The following OSMR variants were observed in gnomAD, a reference collection of about 807,000 sequenced individuals.
OSMR encodes oncostatin-M-specific receptor subunit beta.
Under a neutral mutation model 99.9 loss-of-function variants are expected in OSMR, and 81 were observed. The observed-to-expected ratio is 0.81, with a 90% CI of 0.68 to 0.97. OSMR has a LOEUF of 0.97. Among genes scored for constraint, OSMR ranks in the 50% least tolerant of loss-of-function variants. OSMR has a pLI of 0.00. For missense variants in OSMR, 1,099 were observed against 1,153.4 expected (o/e 0.95, Z 0.68); for synonymous variants, 406 against 410.4 (o/e 0.99, Z 0.13).
At chr5:38,870,334 T>TC (rs5867435) in intron 2 of OSMR, among the ~76,000 whole-genome samples, 40,676 of 146,464 alleles carry the variant, frequency 0.28, 6,081 homozygotes, top group East Asian at 0.59. Context: ...GATTTTCTTT[T>TC]TTTTTTTTTT....
intron 15 of OSMR, among the ~76,000 whole-genome samples, chr5:38,930,954 GTGTGTGTGTGTA>G: frequency 7.2e-6 from 1 of 138,148 alleles, no homozygotes; most frequent in Non-Finnish European, 1.6e-5. Flanking sequence ...GTGTGTGTGT[GTGTGTGTGTGTA>G]AGGTTGTGAT....
chr5:38,926,417 C>T (rs1285908539), intron 15 of OSMR, among the ~76,000 whole-genome samples: 1 of 152,176 alleles, frequency 6.6e-6, no homozygotes, highest in Non-Finnish European at 1.5e-5. Context: ...TTAATTGACT[C>T]ACAGTTCCAC....
intron 2 of OSMR, chr5:38,944,910 C>T (rs1240845221): frequency 1.2e-6 from 2 of 1,612,928 alleles, no homozygotes; most frequent in East Asian, 4.5e-5. Context: ...TCTGAAGACT[C>T]ACCTAGTAAC....
downstream of OSMR, among the ~76,000 whole-genome samples, chr5:38,937,006 T>C (rs1239345): frequency 0.033 from 5,048 of 152,312 alleles, 138 homozygotes; most frequent in South Asian, 0.081. The surrounding 1 kb of genome is among the most constrained non-coding windows in gnomAD (Gnocchi z 4.0). Context: ...AGCGGCATGA[T>C]GAATTTGTAA....
chr5:38,907,988 C>A (rs1023898400), intron 9 of OSMR, among the ~76,000 whole-genome samples: 11 of 152,084 alleles, frequency 7.2e-5, no homozygotes, highest in African/African-American at 2.7e-4. Flanking sequence ...AGCAGCCCCA[C>A]CCCCACTCCT....
intron 1 of OSMR, among the ~76,000 whole-genome samples, chr5:38,852,109 G>A (rs992505935): frequency 6.6e-6 from 1 of 152,176 alleles, no homozygotes; most frequent in African/African-American, 2.4e-5. Context: ...ATTTTTCCAT[G>A]TCAGTGCATG....
chr5:38,930,992 T>C (rs79485375), intron 15 of OSMR, among the ~76,000 whole-genome samples: 3,290 of 144,478 alleles, frequency 0.023, 63 homozygotes, highest in Non-Finnish European at 0.036. Context: ...TTGTGCAAGG[T>C]TGTGGTTTTC....
intron 15 of OSMR, among the ~76,000 whole-genome samples, chr5:38,926,081 G>A (rs1316594358): frequency 6.6e-6 from 1 of 152,204 alleles, no homozygotes; most frequent in African/African-American, 2.4e-5. Context: ...CCAATAAACA[G>A]GAATGTGGTG....
chr5:38,945,577 G>C, downstream of OSMR: 2 of 1,614,052 alleles, frequency 1.2e-6, no homozygotes, highest in Non-Finnish European at 1.7e-6. Flanking sequence ...GTTATCATCT[G>C]TATGTTCCTG....
At chr5:38,925,117 A>G in intron 14 of OSMR, 87 bp from the exon 15 acceptor site, 4 of 1,577,922 alleles carry the variant, frequency 2.5e-6, no homozygotes, top group East Asian at 2.3e-5. Flanking sequence ...CAAGAGCATT[A>G]GTGTCCAGCT....
At chr5:38,925,516 A>C (rs1746436257) in intron 15 of OSMR, 145 bp downstream of exon 15, 1 of 747,284 alleles carries the variant, frequency 1.3e-6, no homozygotes, top group East Asian at 2.7e-5. Flanking sequence ...TCTTGATGAA[A>C]CCCTTTTTGT....
At chr5:38,903,358 A>G (rs1325839504) in intron 7 of OSMR, among the ~76,000 whole-genome samples, 1 of 152,214 alleles carries the variant, frequency 6.6e-6, no homozygotes, top group African/African-American at 2.4e-5. Context: ...CCTCAGAAGC[A>G]TCCATCCTGG....
chr5:38,872,546 A>G (rs935502103), intron 2 of OSMR, among the ~76,000 whole-genome samples: 4 of 152,218 alleles, frequency 2.6e-5, no homozygotes, highest in Non-Finnish European at 5.9e-5. Context: ...GAGGAATTGC[A>G]CATTCTGAGG....
At chr5:38,875,321 G>A (rs1742728681) in intron 2 of OSMR, among the ~76,000 whole-genome samples, 1 of 151,930 alleles carries the variant, frequency 6.6e-6, no homozygotes, top group Non-Finnish European at 1.5e-5. Flanking sequence ...GTCATGATTT[G>A]TTCTTCTTTA....
At chr5:38,919,739 T>G (rs1227545733) in intron 11 of OSMR, among the ~76,000 whole-genome samples, 1 of 152,210 alleles carries the variant, frequency 6.6e-6, no homozygotes, top group African/African-American at 2.4e-5. Context: ...TCATGAACCT[T>G]GCAATAATAT....
In OSMR at chr5:38,861,873, G is replaced by A. The variant is rs373911236; in HGVS notation, c.-13-7159G>A. On this transcript the variant is annotated intron_variant, in intron 1 of 17. Coordinates refer to ENST00000274276, the MANE Select transcript of OSMR (RefSeq NM_003999.3). Reference sequence around the variant, plus strand: ...GACGGGGCGGCTGGCCGGGCGGGGGGCTGACCCCCCCACCTCCCTCCCGGA... The same window carrying A: ...GACGGGGCGGCTGGCCGGGCGGGGGACTGACCCCCCCACCTCCCTCCCGGA... 1.8e-4 allele frequency among the ~76,000 whole-genome samples: 25 copies of A among 140,994 alleles called. No individual in the cohort carries two copies. The East Asian group carries it at 7.2e-3, about 41-fold the overall frequency. 92.5% of individuals were successfully genotyped at this position (140,994 alleles called of 152,430 possible).
chr5:38,882,638 G>A (rs373593360), intron 4 of OSMR, among the ~76,000 whole-genome samples: 2 of 152,154 alleles, frequency 1.3e-5, no homozygotes, highest in African/African-American at 4.8e-5. Context: ...GAATCTAGAC[G>A]GCGGGGTGGG....
Position 38,890,603 on chromosome 5 carries a change from T to C in OSMR, c.991+4413T>C, listed in dbSNP as rs199882559. 0.014 allele frequency among the ~76,000 whole-genome samples: 1,327 copies of C among 93,926 alleles called. 128 individuals are homozygous for C. In the East Asian group the frequency reaches 0.29, roughly 20 times the overall value. The allele number at this position is 93,926 out of a possible 152,430, so 61.6% of individuals were successfully genotyped here. On this transcript the variant is annotated intron_variant, in intron 7 of 17. Coordinates refer to ENST00000274276, the MANE Select transcript of OSMR (RefSeq NM_003999.3). The stretch of plus-strand genomic sequence containing the variant: ...GCTGTTGTAATTTGAAAGCCCCCTC[T>C]TTTTTTTTTTTTTGTCTTATCTTGG...
chr5:38,862,386 A>ACCTC (rs1741492245), intron 1 of OSMR, among the ~76,000 whole-genome samples: 1 of 43,472 alleles, frequency 2.3e-5, no homozygotes, highest in African/African-American at 1.2e-4. Flanking sequence ...GGCGCCCCTC[A>ACCTC]CCTCCCGGAT....
Sources: gnomAD v4.1 joint callset for allele counts (sites outside exome capture counted in the v4.1 genomes callset) on GRCh38, gnomAD v4.1.1 for gene constraint, Gnocchi (gnomAD v3.1) non-coding constraint, MANE v1.5 for transcripts, NCBI Gene and HGNC (gene_info 2026-07-23, HGNC 2026-07-21) for gene names.